Variants in SYNPR observed in about 807,000 individuals in gnomAD.
SYNPR encodes synaptoporin.
A neutral mutation model predicts 32.9 loss-of-function variants in SYNPR; 23 were observed. That is an observed-to-expected ratio of 0.70 (90% CI 0.50 to 0.99). The LOEUF is 0.99. Among genes scored for constraint, SYNPR ranks in the 50% least tolerant of loss-of-function variants. The pLI is 0.00. For missense variants in SYNPR, 318 were observed against 349.3 expected, an observed-to-expected ratio of 0.91 and a Z score of 0.71; for synonymous variants, 146 against 135.9, an observed-to-expected ratio of 1.07 and a Z score of -0.52.
rs775610384 is a variant in SYNPR, at chr3:63,388,560, G to GTGTGTGTA, written c.85-92265_85-92264insATGTGTGT. 1.5e-3 allele frequency among the ~76,000 whole-genome samples: 172 copies of GTGTGTGTA among 112,192 alleles called. 1 individual carries two copies. The highest frequency in any genetic ancestry group is 2.5e-3 in the Non-Finnish European group (144 of 57,018). The allele number at this position is 112,192 out of a possible 152,430, so 73.6% of individuals were successfully genotyped here. ...ACACCACCACACCCGGCTAATTTGT[G>GTGTGTGTA]TGTGTGTGTGTGTGTGTGTGTGTGT... On this transcript the variant is annotated intron_variant, in intron 2 of 5. Transcript: ENST00000478300.
chr3:63,431,356 T>A (rs976001312), intron 2 of SYNPR, among the ~76,000 whole-genome samples: 9 of 152,132 alleles, frequency 5.9e-5, no homozygotes, highest in African/African-American at 2.2e-4. Context: ...TGAAGTTAAA[T>A]CAGGTGTTAC....
chr3:63,296,878 C>T (rs930094630), intron 2 of SYNPR, among the ~76,000 whole-genome samples: 16 of 152,240 alleles, frequency 1.1e-4, no homozygotes, highest in African/African-American at 2.9e-4. Flanking sequence ...ATTGTGCAAT[C>T]ATAGAAATAT....
chr3:63,380,076 C>G (rs550381194), intron 2 of SYNPR, among the ~76,000 whole-genome samples: 7 of 152,252 alleles, frequency 4.6e-5, no homozygotes, highest in African/African-American at 1.4e-4. Flanking sequence ...TTTTCTTAAT[C>G]CAGTCTATCA....
intron 2 of SYNPR, among the ~76,000 whole-genome samples, chr3:63,318,784 G>A (rs1488875901): frequency 6.6e-6 from 1 of 151,932 alleles, no homozygotes; most frequent in Non-Finnish European, 1.5e-5. Flanking sequence ...TCTTGGTTTG[G>A]ATCCATTGCT....
intron 2 of SYNPR, among the ~76,000 whole-genome samples, chr3:63,253,978 T>C (rs942177895): frequency 2.6e-5 from 4 of 152,192 alleles, no homozygotes; most frequent in Non-Finnish European, 5.9e-5. Flanking sequence ...CATGGAATAC[T>C]ATGAAGCCAT....
chr3:63,221,287 T>C, the SYNPR span, among the ~76,000 whole-genome samples: 1 of 152,206 alleles, frequency 6.6e-6, no homozygotes, highest in Non-Finnish European at 1.5e-5. Context: ...GGAAAGAATA[T>C]ATAAAGAGAT....
At chr3:63,218,244 T>G in the SYNPR span, among the ~76,000 whole-genome samples, 1 of 152,248 alleles carries the variant, frequency 6.6e-6, no homozygotes, top group Non-Finnish European at 1.5e-5. Context: ...AATGATATAT[T>G]AGTTGATAAC....
chr3:63,334,928 T>C (rs1486636942), intron 2 of SYNPR, among the ~76,000 whole-genome samples: 2 of 152,168 alleles, frequency 1.3e-5, no homozygotes, highest in Admixed American at 6.5e-5. Flanking sequence ...AATTACAGAA[T>C]AGGAATGAGC....
chr3:63,240,263 G>A (rs766736262), intron 1 of SYNPR, among the ~76,000 whole-genome samples: 18 of 152,120 alleles, frequency 1.2e-4, no homozygotes, highest in Non-Finnish European at 2.1e-4. Context: ...GCTTTAACTT[G>A]TAAAGTTAAT....
At chr3:63,443,588 T>G (rs1700220433) in intron 2 of SYNPR, 1 of 1,143,000 alleles carries the variant, frequency 8.7e-7, no homozygotes, top group African/African-American at 1.6e-5. Context: ...TTTTTAAGTC[T>G]CTAGTAATAA....
At chr3:63,473,299 C>G (rs952022844) in intron 2 of SYNPR, among the ~76,000 whole-genome samples, 2 of 152,160 alleles carry the variant, frequency 1.3e-5, no homozygotes, top group African/African-American at 4.8e-5. Context: ...TCTGCCACCA[C>G]AGTAAAGCAC....
intron 2 of SYNPR, among the ~76,000 whole-genome samples, chr3:63,314,547 G>A (rs1398589764): frequency 2.0e-5 from 3 of 151,882 alleles, no homozygotes; most frequent in African/African-American, 4.8e-5. Flanking sequence ...GTCTATTCAT[G>A]TCCTTTGCCC....
chr3:63,422,112 T>A (rs1699810937), intron 2 of SYNPR, among the ~76,000 whole-genome samples: 1 of 152,182 alleles, frequency 6.6e-6, no homozygotes, highest in Admixed American at 6.6e-5. Context: ...TCCACTCACA[T>A]TCAGGTTAGG....
At chr3:63,347,242 G>A (rs1326541285) in intron 2 of SYNPR, among the ~76,000 whole-genome samples, 1 of 152,140 alleles carries the variant, frequency 6.6e-6, no homozygotes, top group African/African-American at 2.4e-5. Context: ...CAGACTTGCA[G>A]GTAATAGATT....
intron 2 of SYNPR, among the ~76,000 whole-genome samples, chr3:63,475,632 A>G (rs951860343): frequency 4.6e-5 from 7 of 152,118 alleles, no homozygotes; most frequent in Non-Finnish European, 7.4e-5. Flanking sequence ...TACATCTCTC[A>G]TCAACTTGCT....
Position 63,615,060 on chromosome 3 carries a change from C to G in SYNPR, c.601-164C>G, listed in dbSNP as rs536463730. 5.3e-5 allele frequency among the ~76,000 whole-genome samples: 8 copies of G among 152,250 alleles called. No homozygotes were observed. In the South Asian group the frequency reaches 1.5e-3, roughly 28 times the overall value. Reference sequence around the variant, plus strand: ...GACATGTAGTGCGTCTAATAAAGGTCAAATATTCTAAATGAAATACCGGTT... The same window carrying G: ...GACATGTAGTGCGTCTAATAAAGGTGAAATATTCTAAATGAAATACCGGTT... On this transcript the variant is annotated intron_variant, in intron 5 of 5. Coordinates refer to ENST00000478300, the MANE Select transcript of SYNPR (RefSeq NM_001130003.2).
At chr3:63,235,201 A>T (rs1373622949) in intron 1 of SYNPR, among the ~76,000 whole-genome samples, 1 of 152,128 alleles carries the variant, frequency 6.6e-6, no homozygotes, top group Non-Finnish European at 1.5e-5. Flanking sequence ...CACAGTGAGG[A>T]TCTTTCATAT....
At chr3:63,306,547 A>C (rs2086912722) in intron 2 of SYNPR, among the ~76,000 whole-genome samples, 1 of 149,440 alleles carries the variant, frequency 6.7e-6, no homozygotes, top group Admixed American at 6.7e-5. Context: ...AAAAAAAAAA[A>C]CAATATAAAA....
chr3:63,490,387 G>T (rs1701236678), intron 3 of SYNPR, among the ~76,000 whole-genome samples: 1 of 152,090 alleles, frequency 6.6e-6, no homozygotes, highest in South Asian at 2.1e-4. Flanking sequence ...GAAGGCATTG[G>T]AAAGGAGCCA....
Sources: gnomAD v4.1 joint callset for allele counts (sites outside exome capture counted in the v4.1 genomes callset) on GRCh38, gnomAD v4.1.1 for gene constraint, MANE v1.5 for transcripts, NCBI Gene and HGNC (gene_info 2026-07-23, HGNC 2026-07-21) for gene names.